Variants in WNK2 observed in about 807,000 individuals in gnomAD.
WNK2 encodes the protein serine/threonine-protein kinase WNK2.
In WNK2, 67 loss-of-function variants were observed where a neutral mutation model predicts 192.1. The ratio of observed to expected loss-of-function variants is 0.35; its 90% CI spans 0.29 to 0.43. The LOEUF is 0.43. Among genes scored for constraint, WNK2 ranks in the 20% least tolerant of loss-of-function variants. The pLI, the probability that WNK2 is intolerant of heterozygous loss-of-function variation, is 1.00. For missense variants in WNK2, 2,698 were observed against 3,089.7 expected (o/e 0.87, Z 3.01); for synonymous variants, 1,439 against 1,393.9 (o/e 1.03, Z -0.72).
chr9:93,298,147 G>A (rs1204646882), intron 24 of WNK2, 80 bp downstream of exon 24: 1 of 1,462,950 alleles, frequency 6.8e-7, no homozygotes, highest in Admixed American at 2.0e-5. Flanking sequence ...CTCCGTGCAG[G>A]TGTGACACCC....
At chr9:93,319,263 C>T (rs2134507342) in intron 29 of WNK2, 2 of 1,544,486 alleles carry the variant, frequency 1.3e-6, no homozygotes, top group South Asian at 2.5e-5. Flanking sequence ...TCCAAAGCAA[C>T]CAGCCTCCTA....
chr9:93,259,531 C>G lies in WNK2; in HGVS notation c.2983C>G (p.Gln995Glu), dbSNP rs1379131388. 1 of 1,591,628 alleles carries G rather than the reference C, an allele frequency of 6.3e-7. No homozygotes were observed. Among genetic ancestry groups the G allele is most frequent in the Non-Finnish European group, 8.5e-7 (1 of 1,174,976 alleles). The change falls in exon 12 of 30, where the codon CAG becomes GAG. Residue 995 changes from glutamine (Q) to glutamate (E), a missense_variant. Physicochemically the swap from Gln to Glu is conservative, Grantham distance 29. Around this residue, in one of 7 missense-constraint regions of WNK2, gnomAD observed 893 missense variants for 909.0 expected, o/e 0.98. Coordinates refer to ENST00000427277, the MANE Select transcript of WNK2 (RefSeq NM_006648.4). The surrounding 1 kb of genome is among the most constrained non-coding windows in gnomAD (Gnocchi z 4.8). Reference protein sequence around the residue: ...MLPPQPVLPPQPALPVRPEPL... With the variant: ...MLPPQPVLPPEPALPVRPEPL... ...GCCCCCACAACCTGTGCTGCCCCCGCAGCCGGCACTGCCTGTGCGCCCTGA... is the reference window on the plus strand; with the variant it reads ...GCCCCCACAACCTGTGCTGCCCCCGGAGCCGGCACTGCCTGTGCGCCCTGA...
At chr9:93,301,499 G>A (rs1476965917) in intron 26 of WNK2, among the ~76,000 whole-genome samples, 1 of 152,198 alleles carries the variant, frequency 6.6e-6, no homozygotes, top group Non-Finnish European at 1.5e-5. Flanking sequence ...CGGCCACCAT[G>A]TCATCTGGGC....
At chr9:93,278,311 C>T (rs75249008) in intron 19 of WNK2, among the ~76,000 whole-genome samples, 3,857 of 152,180 alleles carry the variant, frequency 0.025, 158 homozygotes, top group African/African-American at 0.089. Context: ...ACGGGTGATT[C>T]CCCTGGATGA....
At chr9:93,250,867 C>T (rs537947849) in intron 8 of WNK2, among the ~76,000 whole-genome samples, 1 of 149,998 alleles carries the variant, frequency 6.7e-6, no homozygotes, top group African/African-American at 2.5e-5. Flanking sequence ...TCACTGCAAC[C>T]TCTGCCTCCC....
Position 93,267,856 on chromosome 9 carries a change from T to A in WNK2, c.3807T>A (p.Arg1269=), listed in dbSNP as rs1845415610. Residue 1269 remains arginine (R), a synonymous_variant, in exon 17 of 30, where the codon CGT becomes CGA. Coordinates refer to ENST00000427277, the MANE Select transcript of WNK2 (RefSeq NM_006648.4). ...DMLSEDTDAD[R]GSDPGTSPPH... is the part of the protein sequence containing the mutation. ...TCAGCGAGGACACAGACGCCGACCGTGGCTCCGACCCAGGGACCAGCCCGC... is the reference window on the plus strand; with the variant it reads ...TCAGCGAGGACACAGACGCCGACCGAGGCTCCGACCCAGGGACCAGCCCGC... 1.2e-6 allele frequency: 2 copies of A among 1,611,334 alleles called. No individual in the cohort carries two copies. The highest frequency in any genetic ancestry group is 1.7e-6 in the Non-Finnish European group (2 of 1,179,114).
Position 93,253,021 on chromosome 9 carries a change from A to T in WNK2, c.1973A>T (p.Glu658Val). The change falls in exon 9 of 30, where the codon GAG becomes GTG. Residue 658 changes from glutamate (E) to valine (V), a missense_variant. Glu to Val is a moderately radical substitution (Grantham distance 121). Around this residue, in one of 7 missense-constraint regions of WNK2, gnomAD observed 893 missense variants for 909.0 expected, o/e 0.98. Transcript: ENST00000427277. ...AQCVCSPPVS[E>V]GPVLPQSLPS... ...TGTGTGTGCAGCCCCCCTGTGAGCG[A>T]GGGGCCCGTCCTGCCGCAGAGCCTG... 1 of 1,551,000 alleles carries T rather than the reference A, an allele frequency of 6.4e-7. No homozygotes were observed. The highest frequency in any genetic ancestry group is 8.7e-7 in the Non-Finnish European group (1 of 1,149,910).
intron 2 of WNK2, among the ~76,000 whole-genome samples, chr9:93,215,596 C>G (rs1835605226): frequency 6.6e-6 from 1 of 152,150 alleles, no homozygotes; most frequent in South Asian, 2.1e-4. Context: ...CTCTTCTCAC[C>G]TATGTCTAAT....
At chr9:93,203,126 G>A (rs1244825866) in intron 2 of WNK2, among the ~76,000 whole-genome samples, 8 of 152,192 alleles carry the variant, frequency 5.3e-5, no homozygotes, top group South Asian at 2.1e-4. Context: ...AGAGCTTTTC[G>A]GGGGGCGCTG....
At chr9:93,286,380 A>G (rs575269257) in intron 19 of WNK2, among the ~76,000 whole-genome samples, 1 of 152,310 alleles carries the variant, frequency 6.6e-6, no homozygotes, top group Admixed American at 6.5e-5. Context: ...CTAAAAGAAG[A>G]TACCCAGATG....
chr9:93,277,034 CAA>C (rs1165251343), intron 19 of WNK2, among the ~76,000 whole-genome samples: 3 of 116,784 alleles, frequency 2.6e-5, no homozygotes, highest in South Asian at 2.6e-4. Context: ...GACTCCGTCT[CAA>C]AAAAAAAAAA....
intron 8 of WNK2, among the ~76,000 whole-genome samples, chr9:93,248,507 G>A (rs1473086050): frequency 6.6e-6 from 1 of 152,258 alleles, no homozygotes; most frequent in African/African-American, 2.4e-5. Context: ...AAGGCCAGGT[G>A]AGGTGGTGGC....
chr9:93,270,793 A>T (rs1845899315), intron 19 of WNK2, among the ~76,000 whole-genome samples: 1 of 152,204 alleles, frequency 6.6e-6, no homozygotes, highest in African/African-American at 2.4e-5. Flanking sequence ...TAACAGGAAC[A>T]TGCAGGAGCC....
At chr9:93,319,589 CCT>C (rs1240651526) in intron 29 of WNK2, among the ~76,000 whole-genome samples, 4 of 152,254 alleles carry the variant, frequency 2.6e-5, no homozygotes, top group African/African-American at 9.6e-5. Flanking sequence ...ACCTGCAGCC[CCT>C]GTCTCCAGGA....
chr9:93,234,715 G>A, intron 4 of WNK2, 93 bp from the exon 5 acceptor site: 1 of 1,449,334 alleles, frequency 6.9e-7, no homozygotes, highest in Non-Finnish European at 9.3e-7. Flanking sequence ...GGGGACATGG[G>A]GTTCTGGGCA....
At chr9:93,289,722 C>A in intron 20 of WNK2, 102 bp downstream of exon 20, 1 of 1,207,396 alleles carries the variant, frequency 8.3e-7, no homozygotes, top group Non-Finnish European at 1.1e-6. Flanking sequence ...CAGAGCCGCC[C>A]TCACTCAGGG....
intron 4 of WNK2, 50 bp downstream of exon 4, chr9:93,231,158 C>T (rs1203452928): frequency 2.6e-6 from 4 of 1,555,842 alleles, no homozygotes; most frequent in Admixed American, 1.7e-5. Context: ...AGAAGCTGGG[C>T]AGCAGTGAGT....
chr9:93,217,870 T>C (rs1348928505), intron 2 of WNK2, among the ~76,000 whole-genome samples: 1 of 151,774 alleles, frequency 6.6e-6, no homozygotes, highest in Non-Finnish European at 1.5e-5. Flanking sequence ...ACCTAGGGCC[T>C]CTGGGGAGGA....
intron 19 of WNK2, among the ~76,000 whole-genome samples, chr9:93,285,260 A>G (rs529734907): frequency 6.8e-4 from 104 of 152,320 alleles, no homozygotes; most frequent in African/African-American, 2.3e-3. Flanking sequence ...TCAATATCTA[A>G]TGGTATTAAA....
Sources: gnomAD v4.1 joint callset for allele counts (sites outside exome capture counted in the v4.1 genomes callset) on GRCh38, gnomAD v4.1.1 for gene constraint, gnomAD v4.1.1 regional missense constraint, Gnocchi (gnomAD v3.1) non-coding constraint, MANE v1.5 for transcripts, NCBI Gene and HGNC (gene_info 2026-07-23, HGNC 2026-07-21) for gene names.